PFKFB3: variants seen among roughly 807,000 people sequenced by gnomAD.
PFKFB3 encodes 6-phosphofructo-2-kinase/fructose-2,6-bisphosphatase 3.
PFKFB3 carries 33 observed loss-of-function variants against 68.0 expected under a neutral mutation model. The ratio of observed to expected loss-of-function variants is 0.49; its 90% confidence interval spans 0.37 to 0.65. The LOEUF is 0.65. PFKFB3 is among the 30% of genes least tolerant of loss of function. The pLI, the probability that PFKFB3 is intolerant of heterozygous loss-of-function variation, is 0.00. For missense variants in PFKFB3, 586 were observed against 712.2 expected, an observed-to-expected ratio of 0.82 and a Z score of 2.02; for synonymous variants, 315 against 288.2, an observed-to-expected ratio of 1.09 and a Z score of -0.94.
At chr10:6,290,740 G>C in the PFKFB3 span, among the ~76,000 whole-genome samples, 1 of 152,104 alleles carries the variant, frequency 6.6e-6, no homozygotes, top group Admixed American at 6.6e-5. Flanking sequence ...CTGACCTCAG[G>C]TGATCTGCCT....
intron 1 of PFKFB3, among the ~76,000 whole-genome samples, chr10:6,209,004 C>T (rs1279610811): frequency 1.3e-5 from 2 of 152,222 alleles, no homozygotes; most frequent in African/African-American, 2.4e-5. Flanking sequence ...AGCCCAAAGG[C>T]ACTACTCAGC....
At chr10:6,147,219 C>T (rs188666360) in intron 1 of PFKFB3, among the ~76,000 whole-genome samples, 6 of 152,298 alleles carry the variant, frequency 3.9e-5, no homozygotes, top group South Asian at 2.1e-4. Flanking sequence ...GTGCAGGAGA[C>T]GCCAGTGCAG....
At chr10:6,210,549 G>A (rs1328009768) in intron 1 of PFKFB3, among the ~76,000 whole-genome samples, 2 of 94,820 alleles carry the variant, frequency 2.1e-5, no homozygotes, top group East Asian at 4.8e-4. Context: ...TTTAATAGAC[G>A]GGGTTTCGCC....
intron 14 of PFKFB3, among the ~76,000 whole-genome samples, chr10:6,226,711 C>T (rs1384985467): frequency 2.0e-5 from 3 of 152,148 alleles, no homozygotes; most frequent in Admixed American, 6.5e-5. Context: ...CGTTCACGTT[C>T]GTGAATGGTT....
intron 1 of PFKFB3, among the ~76,000 whole-genome samples, chr10:6,193,852 C>G (rs1015294326): frequency 6.6e-6 from 1 of 152,094 alleles, no homozygotes; most frequent in Admixed American, 6.6e-5. Context: ...GGGGAGATTA[C>G]AAAGTACATT....
In PFKFB3 at chr10:6,220,428, C is replaced by A. The variant is rs1844870861; in HGVS notation, c.624-230C>A. On this transcript the variant is annotated intron_variant, in intron 7 of 14. Transcript: ENST00000379775. This position sits in a 1 kb window ranked among gnomAD's most constrained non-coding sequence, Gnocchi z 4.1. ...CTTTCTTTTTTTCTCCATTTTCTTT[C>A]TTTTTTCTCCCCCTTTTCTGGGAGG... Among the ~76,000 whole-genome samples, 1 of 152,106 alleles carries A rather than the reference C, an allele frequency of 6.6e-6. No individual in the cohort carries two copies. Among genetic ancestry groups the A allele is most frequent in the Non-Finnish European group, 1.5e-5 (1 of 68,000 alleles).
chr10:6,302,376 T>TTG, the PFKFB3 span, among the ~76,000 whole-genome samples: 1 of 118,064 alleles, frequency 8.5e-6, no homozygotes, highest in Non-Finnish European at 1.7e-5. Flanking sequence ...TTTTTTTTTT[T>TTG]TTTTTTTTTT....
At chr10:6,321,500 C>T in the PFKFB3 span, among the ~76,000 whole-genome samples, 1 of 152,110 alleles carries the variant, frequency 6.6e-6, no homozygotes, top group Non-Finnish European at 1.5e-5. Flanking sequence ...CCTTTCCTTC[C>T]CTAAACCCCA....
At chr10:6,153,779 T>G (rs1009303652) in intron 1 of PFKFB3, among the ~76,000 whole-genome samples, 22 of 151,498 alleles carry the variant, frequency 1.5e-4, no homozygotes, top group Non-Finnish European at 2.9e-5. Context: ...TGCTTGAACC[T>G]GGGAGGTGAG....
At chr10:6,191,574 C>T (rs753920037) in intron 1 of PFKFB3, among the ~76,000 whole-genome samples, 3 of 152,342 alleles carry the variant, frequency 2.0e-5, no homozygotes, top group East Asian at 1.9e-4. Flanking sequence ...GATGGGGGCT[C>T]GGGCCCCCCC....
exon 15 of PFKFB3, chr10:6,254,179 A>G (rs1039700242): frequency 2.6e-6 from 1 of 390,786 alleles, no homozygotes; most frequent in South Asian, 1.3e-4. Flanking sequence ...CCTGTTTAGG[A>G]GTTAAAGAGT....
chr10:6,244,110 G>T (rs1202840796), intron 14 of PFKFB3, among the ~76,000 whole-genome samples: 1 of 152,144 alleles, frequency 6.6e-6, no homozygotes, highest in African/African-American at 2.4e-5. Context: ...TCCTTCCACA[G>T]CCTCTCCAGT....
chr10:6,258,830 C>A (rs1435686439), downstream of PFKFB3, among the ~76,000 whole-genome samples: 1 of 152,148 alleles, frequency 6.6e-6, no homozygotes, highest in Non-Finnish European at 1.5e-5. Context: ...GGTTAGAGAT[C>A]CAGGCTGACA....
At chr10:6,146,346 C>G in intron 1 of PFKFB3, 1 of 1,531,036 alleles carries the variant, frequency 6.5e-7, no homozygotes, top group Non-Finnish European at 8.7e-7. Flanking sequence ...AAGGGGGTGG[C>G]TGCTGACTCT....
chr10:6,298,351 C>T, the PFKFB3 span, among the ~76,000 whole-genome samples: 1 of 147,734 alleles, frequency 6.8e-6, no homozygotes, highest in Non-Finnish European at 1.5e-5. Flanking sequence ...CCAGAGTCCA[C>T]TTATTCTATG....
intron 1 of PFKFB3, among the ~76,000 whole-genome samples, chr10:6,194,268 C>CG (rs1843110175): frequency 1.3e-5 from 2 of 152,198 alleles, no homozygotes; most frequent in African/African-American, 4.8e-5. Context: ...TGGTTCATCA[C>CG]GGTTGAGTCT....
chr10:6,192,800 T>C (rs867770601), intron 1 of PFKFB3, among the ~76,000 whole-genome samples: 7 of 152,020 alleles, frequency 4.6e-5, no homozygotes, highest in Non-Finnish European at 1.0e-4. Context: ...TATTCAGACA[T>C]CTGGGGTGGG....
chr10:6,212,968 A>ACTCTTAGCCC (rs2131932788), intron 1 of PFKFB3, among the ~76,000 whole-genome samples: 1 of 151,256 alleles, frequency 6.6e-6, no homozygotes, highest in African/African-American at 2.4e-5. Flanking sequence ...CACCCTCTTG[A>ACTCTTAGCCC]CTCTTAGCCC....
intron 1 of PFKFB3, among the ~76,000 whole-genome samples, chr10:6,156,345 A>G (rs1056350949): frequency 1.3e-5 from 2 of 151,738 alleles, no homozygotes; most frequent in Admixed American, 6.6e-5. Flanking sequence ...TTGTGGAGAC[A>G]AAGTCTCCTT....
Sources: gnomAD v4.1 joint callset for allele counts (sites outside exome capture counted in the v4.1 genomes callset) on GRCh38, gnomAD v4.1.1 for gene constraint, Gnocchi (gnomAD v3.1) non-coding constraint, MANE v1.5 for transcripts, NCBI Gene and HGNC (gene_info 2026-07-23, HGNC 2026-07-21) for gene names.